CAST: variants seen among roughly 807,000 people sequenced by gnomAD.
CAST encodes calpastatin.
In CAST, 76 loss-of-function variants were observed where a neutral mutation model predicts 119.6. That is an observed-to-expected ratio of 0.64 (90% CI 0.53 to 0.77). The LOEUF is 0.77. CAST is among the 30% of genes least tolerant of loss of function. The pLI, the probability that CAST is intolerant of heterozygous loss-of-function variation, is 0.00. For missense variants in CAST, 953 were observed against 946.5 expected (o/e 1.01, Z -0.09); for synonymous variants, 319 against 331.6 (o/e 0.96, Z 0.41).
At chr5:96,056,932 G>A in the CAST span, among the ~76,000 whole-genome samples, 8 of 152,060 alleles carry the variant, frequency 5.3e-5, no homozygotes, top group African/African-American at 1.9e-4. Context: ...AATTTTTTTA[G>A]ACAAAATAAA....
chr5:96,607,311 T>A (rs1032230824), intron 1 of CAST, among the ~76,000 whole-genome samples: 3 of 152,058 alleles, frequency 2.0e-5, no homozygotes, highest in African/African-American at 7.2e-5. Flanking sequence ...ACAGAACCAC[T>A]GTATTAAGGT....
At chr5:96,590,154 A>G (rs1746937140) in intron 1 of CAST, among the ~76,000 whole-genome samples, 1 of 152,242 alleles carries the variant, frequency 6.6e-6, no homozygotes, top group South Asian at 2.1e-4. Context: ...TAAATCATCC[A>G]GTTCCTTATT....
the CAST span, chr5:96,433,039 C>T: frequency 5.0e-6 from 8 of 1,613,912 alleles, no homozygotes; most frequent in South Asian, 8.8e-5. Flanking sequence ...GCTCTTCGCT[C>T]CATAGCTCAC....
the CAST span, among the ~76,000 whole-genome samples, chr5:96,266,922 A>G: frequency 6.6e-6 from 1 of 152,226 alleles, no homozygotes; most frequent in Non-Finnish European, 1.5e-5. Context: ...TCTCCAAGAT[A>G]AGGCAGAAAA....
intron 1 of CAST, among the ~76,000 whole-genome samples, chr5:96,570,311 C>T (rs1351573713): frequency 1.3e-5 from 2 of 152,128 alleles, no homozygotes; most frequent in African/African-American, 4.8e-5. Context: ...TTCCCCCAAC[C>T]ATGTCAGCTG....
chr5:96,764,708 T>TA (rs1411123515), intron 25 of CAST, among the ~76,000 whole-genome samples: 1 of 152,174 alleles, frequency 6.6e-6, no homozygotes, highest in Non-Finnish European at 1.5e-5. Flanking sequence ...CTCAAGATCT[T>TA]AGAGTTTTAG....
chr5:96,410,127 C>T, the CAST span, among the ~76,000 whole-genome samples: 1 of 152,078 alleles, frequency 6.6e-6, no homozygotes, highest in Non-Finnish European at 1.5e-5. Context: ...CCCCTAAATG[C>T]CCCTCCATCG....
the CAST span, among the ~76,000 whole-genome samples, chr5:96,398,518 C>T: frequency 6.6e-6 from 1 of 152,126 alleles, no homozygotes; most frequent in African/African-American, 2.4e-5. Flanking sequence ...TTGTATGTTT[C>T]GGATATATCT....
chr5:96,322,806 T>C, the CAST span, among the ~76,000 whole-genome samples: 1 of 152,170 alleles, frequency 6.6e-6, no homozygotes, highest in Non-Finnish European at 1.5e-5. Context: ...ATCAGAAAAT[T>C]ACTAGATTTT....
At chr5:96,660,051 G>A (rs536011136), upstream of CAST, among the ~76,000 whole-genome samples, 8 of 152,304 alleles carry the variant, frequency 5.3e-5, no homozygotes, top group Admixed American at 2.0e-4. Context: ...ACCTCTTATA[G>A]ATTTTGATAC....
chr5:96,774,618 C>CAATA lies in CAST; in HGVS notation c.*2003_*2006dup. 1.0e-6 allele frequency: 1 copy of CAATA among 985,346 alleles called. No individual in the cohort carries two copies. The highest frequency in any genetic ancestry group is 6.1e-5 in the Admixed American group (1 of 16,270). The allele number at this position is 985,346 out of a possible 1,614,324, so 61.0% of individuals were successfully genotyped here. On this transcript the variant is annotated 3_prime_UTR_variant, in exon 32 of 32. Coordinates refer to ENST00000675179, the MANE Select transcript of CAST (RefSeq NM_001750.7). ...TCCTCAGGTGACCAAAACTGAAAAT[C>CAATA]AATATTTCCATGTTTCATTAATCAA...
the CAST span, among the ~76,000 whole-genome samples, chr5:96,231,525 C>T: frequency 1.1e-4 from 17 of 152,032 alleles, no homozygotes; most frequent in African/African-American, 4.1e-4. Flanking sequence ...GGATGGGTTT[C>T]TTTATGAGAT....
the CAST span, chr5:96,392,658 C>A: frequency 8.6e-6 from 2 of 233,624 alleles, no homozygotes; most frequent in Non-Finnish European, 1.7e-5. Context: ...TAATTGATAT[C>A]CCAGGTTTTG....
chr5:96,474,330 C>T, the CAST span, among the ~76,000 whole-genome samples: 1 of 151,876 alleles, frequency 6.6e-6, no homozygotes, highest in African/African-American at 2.4e-5. Flanking sequence ...AAACCCTAGC[C>T]TCTGAGGGCC....
At chr5:96,305,222 G>A in the CAST span, among the ~76,000 whole-genome samples, 1 of 152,088 alleles carries the variant, frequency 6.6e-6, no homozygotes, top group Non-Finnish European at 1.5e-5. Context: ...ACTGTGAATG[G>A]GAGTTCACTC....
the CAST span, among the ~76,000 whole-genome samples, chr5:96,424,076 G>C: frequency 6.6e-6 from 1 of 152,194 alleles, no homozygotes; most frequent in Non-Finnish European, 1.5e-5. Flanking sequence ...CAGAGTGTGG[G>C]ACTGTACAGG....
chr5:96,522,780 G>A (rs1055425052), upstream of CAST, among the ~76,000 whole-genome samples: 13 of 152,100 alleles, frequency 8.5e-5, no homozygotes, highest in Non-Finnish European at 1.9e-4. Flanking sequence ...TTCCACCCGA[G>A]AGAAATTAGC....
the CAST span, among the ~76,000 whole-genome samples, chr5:96,487,363 A>G: frequency 7.9e-5 from 12 of 152,240 alleles, 1 homozygote; most frequent in Admixed American, 4.6e-4. Context: ...ATCATAGCAT[A>G]ATAACATTTA....
chr5:96,768,703 A>G (rs138891753), intron 29 of CAST, among the ~76,000 whole-genome samples: 134 of 152,332 alleles, frequency 8.8e-4, no homozygotes, highest in Non-Finnish European at 1.4e-3. Flanking sequence ...AGGCACTCTC[A>G]TGCTCATTTG....
Sources: allele counts gnomAD v4.1 joint callset (sites outside exome capture counted in the v4.1 genomes callset), GRCh38; gene constraint gnomAD v4.1.1; transcripts MANE v1.5; gene names NCBI Gene and HGNC (gene_info 2026-07-23, HGNC 2026-07-21).